Variants in WDFY3 observed in about 807,000 individuals in gnomAD.
The protein encoded by WDFY3 is WD repeat and FYVE domain-containing protein 3.
Under a neutral mutation model 409.6 loss-of-function variants are expected in WDFY3, and 66 were observed. That is an observed-to-expected ratio of 0.16 (90% confidence interval 0.13 to 0.20). WDFY3 has a LOEUF of 0.20. Ranked by LOEUF, WDFY3 falls within the 10% of genes least tolerant of loss-of-function variation. The pLI, the probability that WDFY3 is intolerant of heterozygous loss-of-function variation, is 1.00. For missense variants in WDFY3, 3,031 were observed against 4,298.1 expected (o/e 0.71, Z 8.24); for synonymous variants, 1,521 against 1,537.1 (o/e 0.99, Z 0.25).
At chr4:84,944,669 CA>C (rs1404302899) in intron 1 of WDFY3, among the ~76,000 whole-genome samples, 2 of 148,896 alleles carry the variant, frequency 1.3e-5, no homozygotes, top group African/African-American at 4.9e-5. Flanking sequence ...ACTAAAAATA[CA>C]AAAAATTAGC....
At chr4:84,804,894 A>G (rs1751250633) in intron 15 of WDFY3, among the ~76,000 whole-genome samples, 1 of 152,186 alleles carries the variant, frequency 6.6e-6, no homozygotes. Flanking sequence ...TTACTGATAC[A>G]CTCAGGAAGA....
intron 4 of WDFY3, among the ~76,000 whole-genome samples, chr4:84,859,045 C>T (rs1006431249): frequency 6.6e-6 from 1 of 151,350 alleles, no homozygotes; most frequent in Non-Finnish European, 1.5e-5. Flanking sequence ...AAAAGACAGA[C>T]AGGGCAAGGC....
At position 84,794,742 on chromosome 4, in the gene WDFY3, A is replaced by G. The variant is rs1394847094; in HGVS notation, c.3269-5T>C. 11 of 1,594,704 alleles carry G rather than the reference A, an allele frequency of 6.9e-6. No individual in the cohort carries two copies. Among genetic ancestry groups the G allele is most frequent in the East Asian group, 2.3e-5 (1 of 44,386 alleles). On this transcript the variant is annotated splice_polypyrimidine_tract_variant and splice_region_variant and intron_variant, in intron 20 of 67. Coordinates refer to ENST00000295888, the MANE Select transcript of WDFY3 (RefSeq NM_014991.6). Reference sequence around the variant, plus strand: ...GAGGAGGGAAGAATCTTTCACCTACAGTAAAAATTAAAAAAAAAAGTCTGT... The same window carrying G: ...GAGGAGGGAAGAATCTTTCACCTACGGTAAAAATTAAAAAAAAAAGTCTGT...
chr4:84,904,089 T>C (rs1177216671), intron 2 of WDFY3, among the ~76,000 whole-genome samples: 1 of 152,150 alleles, frequency 6.6e-6, no homozygotes, highest in Non-Finnish European at 1.5e-5. Context: ...TTATAAAAGC[T>C]CCTTTGCCTC....
chr4:84,752,822 T>C (rs1376769557), intron 35 of WDFY3, among the ~76,000 whole-genome samples: 1 of 152,202 alleles, frequency 6.6e-6, no homozygotes, highest in African/African-American at 2.4e-5. Context: ...GGAATAACTA[T>C]CTTTTGGGTG....
rs1485816892 is a variant in WDFY3 at position 84,966,236 on chromosome 4, G to C, written c.-253C>G. ...GAGGGCCGGCGGAGGGCGCGGGCGG[G>C]ACAGGCCCAGGAGACGGGACCGCGG... On this transcript the variant is annotated 5_prime_UTR_variant, in exon 1 of 68. Coordinates refer to ENST00000295888, the MANE Select transcript of WDFY3 (RefSeq NM_014991.6). 1 of 151,246 alleles carries C rather than the reference G, an allele frequency of 6.6e-6. No homozygotes were observed. The allele number at this position is 151,246 out of a possible 1,614,324, so 9.4% of individuals were successfully genotyped here.
At chr4:84,793,653 A>G (rs1164107464) in intron 21 of WDFY3, among the ~76,000 whole-genome samples, 1 of 152,224 alleles carries the variant, frequency 6.6e-6, no homozygotes, top group Non-Finnish European at 1.5e-5. Flanking sequence ...GGTAGTTTTA[A>G]TTAGGACGAA....
At chr4:84,817,829 T>C (rs1031904064) in intron 12 of WDFY3, among the ~76,000 whole-genome samples, 2 of 152,200 alleles carry the variant, frequency 1.3e-5, no homozygotes, top group African/African-American at 4.8e-5. Flanking sequence ...ATGTTCACCA[T>C]GTCCAAGCTC....
At chr4:84,716,864 CATG>C (rs757024337) in intron 49 of WDFY3, 29 bp downstream of exon 49, 1 of 1,427,228 alleles carries the variant, frequency 7.0e-7, no homozygotes, top group Non-Finnish European at 9.2e-7. Context: ...AATAAAGAAA[CATG>C]ATAAAACAGT....
Position 84,753,765 on chromosome 4 carries a change from T to C in WDFY3, c.5671A>G (p.Ser1891Gly). The C allele has an allele frequency of 6.2e-7, 1 of 1,612,796 alleles. No homozygotes were observed. The highest frequency in any genetic ancestry group is 8.5e-7 in the Non-Finnish European group (1 of 1,179,490). Reference sequence around the variant, plus strand: ...GCTAATGCACACAGGAAGTCAGGGCTCATCCACATGGAGGCAAGGTCTGGC... The same window carrying C: ...GCTAATGCACACAGGAAGTCAGGGCCCATCCACATGGAGGCAAGGTCTGGC... ...NVPDLASMWM[S>G]PDFLCALAAT... is the part of the protein sequence containing the mutation. The change falls in exon 35 of 68, where the codon AGC (serine) becomes GGC (glycine). Residue 1891 changes from serine to glycine, a missense_variant. By Grantham distance (56) the Ser-to-Gly change is moderately conservative. This residue lies in a region of WDFY3 where 342 missense variants were observed against 463.7 expected (regional missense o/e 0.74). Coordinates refer to ENST00000295888, the MANE Select transcript of WDFY3 (RefSeq NM_014991.6).
chr4:84,691,060 G>A (rs1014494604), intron 60 of WDFY3, among the ~76,000 whole-genome samples: 2 of 152,170 alleles, frequency 1.3e-5, no homozygotes, highest in Non-Finnish European at 2.9e-5. Context: ...AAATGGAATC[G>A]TGTTACAAAG....
chr4:84,697,061 AGGAAATGCTG>A (rs1730266116), intron 56 of WDFY3, among the ~76,000 whole-genome samples: 1 of 152,220 alleles, frequency 6.6e-6, no homozygotes, highest in African/African-American at 2.4e-5. Flanking sequence ...CAATGTCTTC[AGGAAATGCTG>A]AGTTATACCA....
intron 32 of WDFY3, among the ~76,000 whole-genome samples, chr4:84,764,582 C>T (rs569352316): frequency 6.6e-6 from 1 of 152,118 alleles, no homozygotes. Context: ...CTTCCTATGG[C>T]TGGGTGCAGT....
intron 30 of WDFY3, among the ~76,000 whole-genome samples, chr4:84,769,582 T>C (rs1231369709): frequency 1.3e-5 from 2 of 151,632 alleles, no homozygotes; most frequent in African/African-American, 4.8e-5. Context: ...GCCCGGCTAA[T>C]TTTTTTTGTG....
At chr4:84,869,508 A>G (rs556092622) in intron 3 of WDFY3, among the ~76,000 whole-genome samples, 6 of 152,310 alleles carry the variant, frequency 3.9e-5, no homozygotes, top group African/African-American at 1.4e-4. Context: ...TTACAATAAA[A>G]AGTTATTATT....
chr4:84,862,357 G>C lies in WDFY3; in HGVS notation c.-31-1735C>G, dbSNP rs555909703. On this transcript the variant is annotated intron_variant, in intron 3 of 67. Transcript: ENST00000295888. ...CTGCTGGAAACAGTGCTAACACATA[G>C]GCAAAGGGCTGGGGGGAGCATTTAA... is the stretch of plus-strand genomic sequence containing the variant. Among the ~76,000 whole-genome samples, 3 of 152,312 alleles carry C rather than the reference G, an allele frequency of 2.0e-5. No homozygotes were observed. The South Asian group carries it at 6.2e-4, about 32-fold the overall frequency.
chr4:84,843,785 T>C (rs1246745597), intron 5 of WDFY3, among the ~76,000 whole-genome samples: 2 of 152,146 alleles, frequency 1.3e-5, no homozygotes, highest in Admixed American at 6.6e-5. Context: ...AAATTATGTA[T>C]ACTAGCAAGG....
At chr4:84,715,438 T>A (rs930730181) in intron 49 of WDFY3, 55 bp from the exon 50 acceptor site, 5 of 1,019,372 alleles carry the variant, frequency 4.9e-6, no homozygotes, top group Non-Finnish European at 7.5e-6. Flanking sequence ...ACAAATAAAA[T>A]TATATATTAA....
At chr4:84,762,588 A>C (rs920870166) in intron 32 of WDFY3, among the ~76,000 whole-genome samples, 1 of 151,956 alleles carries the variant, frequency 6.6e-6, no homozygotes, top group African/African-American at 2.4e-5. Context: ...CATTGTGCAC[A>C]TGTACCCTAA....
Sources: allele counts gnomAD v4.1 joint callset (sites outside exome capture counted in the v4.1 genomes callset), GRCh38; gene constraint gnomAD v4.1.1; regional missense constraint gnomAD v4.1.1; transcripts MANE v1.5; gene names NCBI Gene and HGNC (gene_info 2026-07-23, HGNC 2026-07-21).